SRSF12: variants seen among roughly 807,000 people sequenced by gnomAD.
The protein encoded by SRSF12 is serine/arginine-rich splicing factor 12.
In SRSF12, 21 loss-of-function variants were observed where a neutral mutation model predicts 34.1. The ratio of observed to expected loss-of-function variants is 0.62; its 90% CI spans 0.44 to 0.89. The LOEUF is 0.89. Among genes scored for constraint, SRSF12 ranks in the 40% least tolerant of loss-of-function variants. The probability of loss-of-function intolerance (pLI) is 0.00; values close to 1 mark genes in which losing one functional copy is unlikely to be tolerated. For missense variants in SRSF12, 278 were observed against 327.8 expected (o/e 0.85, Z 1.17); for synonymous variants, 111 against 110.8 (o/e 1.00, Z -0.01).
intron 4 of SRSF12, among the ~76,000 whole-genome samples, chr6:89,103,871 AAT>A (rs1461878149): frequency 5.1e-4 from 78 of 152,350 alleles, no homozygotes; most frequent in African/African-American, 1.9e-3. Context: ...ATTACTATTT[AAT>A]ATGTCTTCTT....
At chr6:89,109,447 G>A (rs985472856) in intron 1 of SRSF12, among the ~76,000 whole-genome samples, 25 of 87,608 alleles carry the variant, frequency 2.9e-4, no homozygotes. Flanking sequence ...CTGAGGGTGA[G>A]AGAAGTTACC....
chr6:89,098,414 A>G lies in SRSF12; in HGVS notation c.*164T>C, dbSNP rs1219538291. The G allele has an allele frequency of 1.1e-6, 1 of 875,372 alleles. No individual in the cohort carries two copies. Among genetic ancestry groups the G allele is most frequent in the Non-Finnish European group, 1.6e-6 (1 of 625,080 alleles). 54.2% of individuals were successfully genotyped at this position (875,372 alleles called of 1,614,324 possible). On this transcript the variant is annotated 3_prime_UTR_variant, in exon 5 of 5. Coordinates refer to ENST00000452027, the MANE Select transcript of SRSF12 (RefSeq NM_080743.5). ...TGTAGTGTGGGCCCTTTAAATGGAG[A>G]CCAAATTTTTATTAATCCAAAGCTA...
chr6:89,117,767 G>GA lies in SRSF12; in HGVS notation c.65+55_65+56insT, dbSNP rs1769383367. 2.0e-6 allele frequency: 3 copies of GA among 1,492,392 alleles called. No homozygotes were observed. In the African/African-American group the frequency reaches 4.4e-5, roughly 22 times the overall value. 92.4% of individuals were successfully genotyped at this position (1,492,392 alleles called of 1,614,324 possible). A position where few individuals can be genotyped will look rare whatever the true frequency, so the allele number is the denominator to read the frequency against. ...CCGGGCCTCGGCCGTGCTCCGCGGC[G>GA]CGGCTGTTACCCCGCCCCTCCTCCG... On this transcript the variant is annotated intron_variant, in intron 1 of 4. Coordinates refer to ENST00000452027, the MANE Select transcript of SRSF12 (RefSeq NM_080743.5).
At chr6:89,100,610 T>G (rs2127990424) in intron 4 of SRSF12, among the ~76,000 whole-genome samples, 1 of 150,870 alleles carries the variant, frequency 6.6e-6, no homozygotes, top group South Asian at 2.1e-4. Flanking sequence ...GATATTGGCA[T>G]CATCAAACAG....
intron 1 of SRSF12, among the ~76,000 whole-genome samples, chr6:89,110,714 T>C (rs1769006409): frequency 6.6e-6 from 1 of 152,012 alleles, no homozygotes; most frequent in Non-Finnish European, 1.5e-5. Context: ...CCTGCTTCAG[T>C]ATCACTAGCA....
rs1319578549 is a variant in SRSF12, at chr6:89,098,890, T to C, written c.474A>G (p.Pro158=). 7 of 1,613,850 alleles carry C rather than the reference T, an allele frequency of 4.3e-6. No homozygotes were observed. The highest frequency in any genetic ancestry group is 2.2e-5 in the East Asian group (1 of 44,892). ...ACTGCCTTGCTGAGGTAGACCGCCT[T>C]GGTAATGATTTGGAACGAGATTTAG... The part of the protein sequence containing the change: ...SQSKSRSKSL[P]RRSTSARQSR... The change falls in exon 5 of 5, where the codon CCA becomes CCG. Residue 158 remains proline, a synonymous_variant. Coordinates refer to ENST00000452027, the MANE Select transcript of SRSF12 (RefSeq NM_080743.5).
intron 2 of SRSF12, among the ~76,000 whole-genome samples, chr6:89,106,298 AC>A (rs1205528941): frequency 6.6e-6 from 1 of 151,928 alleles, no homozygotes; most frequent in African/African-American, 2.4e-5. Context: ...TTTTTAGTAG[AC>A]ACGGGGTTTC....
chr6:89,109,783 T>C (rs139837616), intron 1 of SRSF12, among the ~76,000 whole-genome samples: 63 of 152,316 alleles, frequency 4.1e-4, no homozygotes, highest in African/African-American at 1.4e-3. Context: ...TAAACACCCA[T>C]GTATCTACCA....
intron 2 of SRSF12, 48 bp from the exon 3 acceptor site, chr6:89,105,578 T>C (rs763514078): frequency 1.6e-5 from 22 of 1,345,556 alleles, no homozygotes; most frequent in South Asian, 3.0e-5. Context: ...CAAGTAAACA[T>C]ATTTTAAAAG....
At chr6:89,099,444 ATATATATGTGTG>A (rs1157598532) in intron 4 of SRSF12, among the ~76,000 whole-genome samples, 8 of 89,782 alleles carry the variant, frequency 8.9e-5, no homozygotes, top group Non-Finnish European at 9.1e-5. Context: ...ATATATACAC[ATATATATGTGTG>A]TATATATGTG....
chr6:89,111,591 G>A (rs1244634285), intron 1 of SRSF12, among the ~76,000 whole-genome samples: 1 of 152,026 alleles, frequency 6.6e-6, no homozygotes, highest in Non-Finnish European at 1.5e-5. Flanking sequence ...TGTCACCTAA[G>A]AATGGTTACT....
At chr6:89,103,359 C>G (rs551078107) in intron 4 of SRSF12, among the ~76,000 whole-genome samples, 1 of 149,878 alleles carries the variant, frequency 6.7e-6, no homozygotes, top group Non-Finnish European at 1.5e-5. Flanking sequence ...GACAGAGTCT[C>G]GCTTTGTCAC....
intron 1 of SRSF12, among the ~76,000 whole-genome samples, chr6:89,109,440 A>G (rs1024282195): frequency 3.4e-5 from 5 of 148,284 alleles, no homozygotes; most frequent in Non-Finnish European, 7.5e-5. Context: ...AAGGAGACTG[A>G]GGGTGAGAGA....
chr6:89,109,506 G>C (rs1484535893), intron 1 of SRSF12, among the ~76,000 whole-genome samples: 1 of 152,186 alleles, frequency 6.6e-6, no homozygotes, highest in African/African-American at 2.4e-5. Flanking sequence ...TTCAAATGAA[G>C]GTCTTCTGAG....
intron 1 of SRSF12, 124 bp from the exon 2 acceptor site, chr6:89,107,382 G>T: frequency 5.8e-6 from 4 of 694,922 alleles, no homozygotes; most frequent in South Asian, 2.0e-5. Context: ...ATCTAAAATT[G>T]TTTTTTGTAA....
chr6:89,100,584 T>C (rs1182486513), intron 4 of SRSF12, among the ~76,000 whole-genome samples: 1 of 150,902 alleles, frequency 6.6e-6, no homozygotes, highest in African/African-American at 2.4e-5. Context: ...CAAAGAATCA[T>C]TCCCAAAGTG....
At chr6:89,103,046 G>T (rs1371674387) in intron 4 of SRSF12, among the ~76,000 whole-genome samples, 1 of 152,068 alleles carries the variant, frequency 6.6e-6, no homozygotes, top group East Asian at 1.9e-4. Flanking sequence ...TCACAGGTGT[G>T]AGCCACTGCA....
chr6:89,106,156 T>C (rs1768772482), intron 2 of SRSF12, among the ~76,000 whole-genome samples: 1 of 151,910 alleles, frequency 6.6e-6, no homozygotes, highest in Admixed American at 6.5e-5. Flanking sequence ...GTTTCCCTCT[T>C]GTCACCCAGG....
Position 89,098,792 on chromosome 6 carries a change from G to A in SRSF12, c.572C>T (p.Ser191Leu). ...TGAACTTGACTGTGATTTTCCTATT[G>A]ACTTGGACCTCTTTTGTAAGGACTT... is the stretch of plus-strand genomic sequence containing the variant. ...RSKSLQKRSK[S>L]IGKSQSSSPQ... The change falls in exon 5 of 5, where the codon TCA (serine) becomes TTA (leucine). Residue 191 changes from serine (S) to leucine (L), a missense_variant. Coordinates refer to ENST00000452027, the MANE Select transcript of SRSF12 (RefSeq NM_080743.5). 1 of 1,613,860 alleles carries A rather than the reference G, an allele frequency of 6.2e-7. No individual in the cohort carries two copies. The highest frequency in any genetic ancestry group is 1.7e-5 in the Admixed American group (1 of 60,002).
Sources: allele counts gnomAD v4.1 joint callset (sites outside exome capture counted in the v4.1 genomes callset), GRCh38; gene constraint gnomAD v4.1.1; transcripts MANE v1.5; gene names NCBI Gene and HGNC (gene_info 2026-07-23, HGNC 2026-07-21).